The following CDKAL1 variants were observed in gnomAD, a reference collection of about 807,000 sequenced individuals.
CDKAL1 encodes threonylcarbamoyladenosine tRNA methylthiotransferase.
A neutral mutation model predicts 68.2 loss-of-function variants in CDKAL1; 32 were observed. The ratio of observed to expected loss-of-function variants is 0.47; its 90% CI spans 0.35 to 0.63. CDKAL1 has a LOEUF of 0.63. Ranked by LOEUF, CDKAL1 falls within the 30% of genes least tolerant of loss-of-function variation. The pLI, the probability that CDKAL1 is intolerant of heterozygous loss-of-function variation, is 0.00. For synonymous variants in CDKAL1, 234 were observed against 244.3 expected (o/e 0.96, Z 0.39); for missense variants, 606 against 696.7 (o/e 0.87, Z 1.47).
rs1774961163 is a variant in CDKAL1 at position 21,125,549 on chromosome 6, G to C, written c.1299+17086G>C. Among the ~76,000 whole-genome samples, 3 of 152,136 alleles carry C rather than the reference G, an allele frequency of 2.0e-5. No homozygotes were observed. The South Asian group carries it at 6.2e-4, about 32-fold the overall frequency. On this transcript the variant is annotated intron_variant, in intron 13 of 15. Transcript: ENST00000274695. ...TAGCCGGGCATGGTGGTGCTTGCCT[G>C]TAATCCCAGCTACTCGGGAGGCTGA... is the stretch of plus-strand genomic sequence containing the variant.
intron 8 of CDKAL1, among the ~76,000 whole-genome samples, chr6:20,845,475 A>C (rs943218407): frequency 6.6e-6 from 1 of 152,052 alleles, no homozygotes; most frequent in African/African-American, 2.4e-5. Context: ...TTGCCATTCT[A>C]CTTTTTTTAC....
At chr6:21,144,565 G>A (rs563626130) in intron 13 of CDKAL1, among the ~76,000 whole-genome samples, 50 of 151,284 alleles carry the variant, frequency 3.3e-4, no homozygotes, top group African/African-American at 1.2e-3. Context: ...TGGGCAGATT[G>A]CTTGAGACCA....
At chr6:21,119,145 T>G (rs1055319643) in intron 13 of CDKAL1, among the ~76,000 whole-genome samples, 1 of 152,166 alleles carries the variant, frequency 6.6e-6, no homozygotes, top group African/African-American at 2.4e-5. Context: ...CTCCCCTCCC[T>G]TCCTCTTTCT....
At chr6:20,991,390 T>C (rs756292536) in intron 10 of CDKAL1, among the ~76,000 whole-genome samples, 1 of 152,110 alleles carries the variant, frequency 6.6e-6, no homozygotes, top group Non-Finnish European at 1.5e-5. Context: ...GTCACTGAAC[T>C]GTATACCTAA....
At chr6:21,043,909 T>C (rs573774216) in intron 11 of CDKAL1, among the ~76,000 whole-genome samples, 1 of 152,262 alleles carries the variant, frequency 6.6e-6, no homozygotes, top group South Asian at 2.1e-4. Context: ...ACCCCAGTTT[T>C]CTTCATTTGC....
At chr6:21,130,051 G>A (rs1180702417) in intron 13 of CDKAL1, among the ~76,000 whole-genome samples, 1 of 151,808 alleles carries the variant, frequency 6.6e-6, no homozygotes, top group Non-Finnish European at 1.5e-5. Context: ...CAGGGTGTTT[G>A]TTTTTTGTTG....
In CDKAL1 at chr6:20,629,056, AATG is replaced by A. The variant is rs527522436; in HGVS notation, c.287-20236_287-20234del. ...CAGACTTCATTCATCTTATTCCCTTAATGTCCTTTATGGCAAAAGAAAGGATTC... is the reference window on the plus strand; with the variant it reads ...CAGACTTCATTCATCTTATTCCCTTATCCTTTATGGCAAAAGAAAGGATTC... On this transcript the variant is annotated intron_variant, in intron 4 of 15. Transcript: ENST00000274695. Among the ~76,000 whole-genome samples the A allele has an allele frequency of 3.2e-3, 488 of 152,288 alleles. 2 individuals carry two copies. The highest frequency in any genetic ancestry group is 5.3e-3 in the Admixed American group (81 of 15,298).
At chr6:21,089,817 G>A (rs1369093015) in intron 12 of CDKAL1, among the ~76,000 whole-genome samples, 1 of 152,212 alleles carries the variant, frequency 6.6e-6, no homozygotes, top group Non-Finnish European at 1.5e-5. Flanking sequence ...GTTAAGGTCT[G>A]TAGAGCAAAG....
At chr6:20,794,775 G>T (rs1031687398) in intron 8 of CDKAL1, among the ~76,000 whole-genome samples, 3 of 152,112 alleles carry the variant, frequency 2.0e-5, no homozygotes, top group Non-Finnish European at 4.4e-5. Context: ...ACAAACAGAG[G>T]TTACTCTCAC....
At chr6:20,792,323 C>T (rs775113906) in intron 8 of CDKAL1, among the ~76,000 whole-genome samples, 5 of 152,024 alleles carry the variant, frequency 3.3e-5, no homozygotes, top group African/African-American at 4.8e-5. Flanking sequence ...GGGTTTAAAA[C>T]GAGGTCATTT....
chr6:20,699,674 T>TG, intron 5 of CDKAL1, among the ~76,000 whole-genome samples: 1 of 152,092 alleles, frequency 6.6e-6, no homozygotes. Context: ...TGGATAGAGT[T>TG]GCATAACTTA....
chr6:20,812,532 C>T (rs1033157661), intron 8 of CDKAL1, among the ~76,000 whole-genome samples: 2 of 152,166 alleles, frequency 1.3e-5, no homozygotes, highest in Non-Finnish European at 2.9e-5. Flanking sequence ...TATTTTATAA[C>T]TCATTCTTCT....
chr6:20,628,076 G>A (rs1767511173), intron 4 of CDKAL1, among the ~76,000 whole-genome samples: 1 of 151,978 alleles, frequency 6.6e-6, no homozygotes, highest in African/African-American at 2.4e-5. Context: ...CAATCTATAT[G>A]CATTTTATTT....
intron 2 of CDKAL1, 128 bp downstream of exon 2, chr6:20,535,522 C>T (rs1763134316): frequency 6.6e-6 from 1 of 152,228 alleles, no homozygotes; most frequent in South Asian, 2.1e-4. Flanking sequence ...TTGTGCTTTA[C>T]ATAGCATTAA....
chr6:21,082,864 T>C lies in CDKAL1; in HGVS notation c.1236+17636T>C, dbSNP rs559454839. Among the ~76,000 whole-genome samples the C allele has an allele frequency of 4.1e-5, 6 of 144,888 alleles. No individual in the cohort carries two copies. The East Asian group carries it at 6.3e-4, about 15-fold the overall frequency. On this transcript the variant is annotated intron_variant, in intron 12 of 15. Transcript: ENST00000274695. ...TAAGTCTGAACGTGAAATTCATTTA[T>C]GTTTCTTTTGTTTTTTTTTTTTTTT... is the stretch of plus-strand genomic sequence containing the variant.
intron 8 of CDKAL1, among the ~76,000 whole-genome samples, chr6:20,837,581 T>A (rs942863999): frequency 6.6e-6 from 1 of 152,162 alleles, no homozygotes; most frequent in African/African-American, 2.4e-5. Flanking sequence ...AGATTAACCC[T>A]TAGGTAAGTC....
rs183172474 is a variant in CDKAL1, at chr6:20,873,063, C to T, written c.742+26885C>T. On this transcript the variant is annotated intron_variant, in intron 9 of 15. Transcript: ENST00000274695. The stretch of plus-strand genomic sequence containing the variant: ...TTATTTGTAGACAAATACAGCTGCC[C>T]GTTCCAAATTCTTATCTGTGGCTCC... 2.4e-3 allele frequency among the ~76,000 whole-genome samples: 368 copies of T among 152,166 alleles called. 2 individuals carry two copies. The Middle Eastern group carries it at 0.034, about 14-fold the overall frequency.
chr6:21,125,206 G>A (rs1478230140), intron 13 of CDKAL1, among the ~76,000 whole-genome samples: 7 of 152,178 alleles, frequency 4.6e-5, no homozygotes, highest in African/African-American at 1.7e-4. Context: ...TCTCATGACA[G>A]TGAGTGAGTT....
chr6:21,084,600 A>G (rs966726155), intron 12 of CDKAL1, among the ~76,000 whole-genome samples: 4 of 152,226 alleles, frequency 2.6e-5, no homozygotes, highest in Admixed American at 6.5e-5. Flanking sequence ...AATATTTTCC[A>G]TGTACCTTAC....
Sources: gnomAD v4.1 joint callset for allele counts (sites outside exome capture counted in the v4.1 genomes callset) on GRCh38, gnomAD v4.1.1 for gene constraint, MANE v1.5 for transcripts, NCBI Gene and HGNC (gene_info 2026-07-23, HGNC 2026-07-21) for gene names.